Variants in SLC45A3 observed in about 807,000 individuals in gnomAD.
SLC45A3 encodes the protein prostate cancer associated protein 2.
Under a neutral mutation model 35.3 loss-of-function variants are expected in SLC45A3, and 17 were observed. The ratio of observed to expected loss-of-function variants is 0.48; its 90% CI spans 0.33 to 0.72. The LOEUF is 0.72. SLC45A3 is among the 30% of genes least tolerant of loss of function. SLC45A3 has a pLI of 0.02. For missense variants in SLC45A3, 597 were observed against 731.7 expected (o/e 0.82, Z 2.12); for synonymous variants, 288 against 334.3 (o/e 0.86, Z 1.51).
At position 205,659,297 on chromosome 1, in the gene SLC45A3, G is replaced by T. The variant is rs143282781; in HGVS notation, c.1599C>A (p.Val533=). Reference sequence around the variant, plus strand: ...CTACCTGTGTAGCAAAGTAAATGGCGACCAGACCCAGGCCTGCGGCAGACA... The same window carrying T: ...CTACCTGTGTAGCAAAGTAAATGGCTACCAGACCCAGGCCTGCGGCAGACA... The part of the protein sequence containing the change: ...YMVSAAGLGL[V]AIYFATQVVF... Residue 533 remains valine, a synonymous_variant, in exon 5 of 5, where the codon GTC becomes GTA. Transcript: ENST00000367145. This position sits in a 1 kb window ranked among gnomAD's most constrained non-coding sequence, Gnocchi z 5.8. 2.2e-5 allele frequency: 36 copies of T among 1,614,012 alleles called. No individual in the cohort carries two copies. Among genetic ancestry groups the T allele is most frequent in the Middle Eastern group, 3.3e-4 (2 of 6,084 alleles).
intron 1 of SLC45A3, among the ~76,000 whole-genome samples, chr1:205,672,422 A>G (rs889436199): frequency 1.3e-5 from 2 of 152,202 alleles, no homozygotes; most frequent in African/African-American, 2.4e-5. Flanking sequence ...CACGATTTCC[A>G]TCCACAGGGA....
Position 205,659,784 on chromosome 1 carries a change from A to G in SLC45A3, c.1225-113T>C, listed in dbSNP as rs572206763. The G allele has an allele frequency of 2.9e-4, 285 of 996,360 alleles. No homozygotes were observed. In the African/African-American group the frequency reaches 4.3e-3, roughly 15 times the overall value. The allele number at this position is 996,360 out of a possible 1,614,324, so 61.7% of individuals were successfully genotyped here. A position where few individuals can be genotyped will look rare whatever the true frequency, so the allele number is the denominator to read the frequency against. ...TCCATCCCAGGGGCAATGGGACTTC[A>G]TGAGAATCAGGAGCAGGAGAGAAGA... On this transcript the variant is annotated intron_variant, in intron 4 of 4. Transcript: ENST00000367145. This position sits in a 1 kb window ranked among gnomAD's most constrained non-coding sequence, Gnocchi z 5.8.
intron 1 of SLC45A3, among the ~76,000 whole-genome samples, chr1:205,668,711 C>G (rs1474919452): frequency 6.6e-6 from 1 of 152,156 alleles, no homozygotes; most frequent in Non-Finnish European, 1.5e-5. Context: ...AGTAGAGGGG[C>G]TGACCTCTCA....
chr1:205,659,676 G>A lies in SLC45A3; in HGVS notation c.1225-5C>T. 3 of 1,520,620 alleles carry A rather than the reference G, an allele frequency of 2.0e-6. No individual in the cohort carries two copies. The highest frequency in any genetic ancestry group is 2.6e-6 in the Non-Finnish European group (3 of 1,135,970). The allele number at this position is 1,520,620 out of a possible 1,614,324, so 94.2% of individuals were successfully genotyped here. On this transcript the variant is annotated splice_polypyrimidine_tract_variant and splice_region_variant and intron_variant, in intron 4 of 4. Transcript: ENST00000367145. The surrounding 1 kb of genome is among the most constrained non-coding windows in gnomAD (Gnocchi z 5.8). ...TCGGTATTTGGGCAGGAACACCTAA[G>A]GCAGAGGGGTGAAGAAAAGGGGAAG... is the stretch of plus-strand genomic sequence containing the variant.
At chr1:205,676,513 T>G (rs928806868) in intron 1 of SLC45A3, among the ~76,000 whole-genome samples, 1 of 152,152 alleles carries the variant, frequency 6.6e-6, no homozygotes, top group African/African-American at 2.4e-5. Context: ...TGGCTGAATA[T>G]GCACATCACG....
At chr1:205,672,968 T>C (rs1297068120) in intron 1 of SLC45A3, among the ~76,000 whole-genome samples, 3 of 152,174 alleles carry the variant, frequency 2.0e-5, no homozygotes, top group Non-Finnish European at 4.4e-5. Flanking sequence ...AATAGGAATA[T>C]AAAATCCCTA....
Position 205,659,085 on chromosome 1 carries a change from C to G in SLC45A3, c.*149G>C. 1.3e-6 allele frequency: 1 copy of G among 786,838 alleles called. No homozygotes were observed. The highest frequency in any genetic ancestry group is 2.0e-6 in the Non-Finnish European group (1 of 500,818). 48.7% of individuals were successfully genotyped at this position (786,838 alleles called of 1,614,324 possible). On this transcript the variant is annotated 3_prime_UTR_variant, in exon 5 of 5. Transcript: ENST00000367145. The surrounding 1 kb of genome is among the most constrained non-coding windows in gnomAD (Gnocchi z 5.8). ...CAGCCCCCAGCTGTGCAGCTACGCA[C>G]CTCAGCAGCACAGGGTGGCAGCAGA...
intron 1 of SLC45A3, among the ~76,000 whole-genome samples, chr1:205,674,168 A>G (rs1671262797): frequency 6.7e-6 from 1 of 148,812 alleles, no homozygotes; most frequent in African/African-American, 2.5e-5. Context: ...CATGTTGCTT[A>G]GCCTTGAAGG....
In SLC45A3 at chr1:205,669,422, A is replaced by G. The variant is rs1671169713; in HGVS notation, c.-230-4536T>C. Among the ~76,000 whole-genome samples, 1 of 152,022 alleles carries G rather than the reference A, an allele frequency of 6.6e-6. No individual in the cohort carries two copies. Among genetic ancestry groups the G allele is most frequent in the South Asian group, 2.1e-4 (1 of 4,814 alleles). ...TAAGGGAAGGGAGGGTCAGAGGGGG[A>G]TGTATAAAGAGGTCTTTGAGGGCTT... On this transcript the variant is annotated intron_variant, in intron 1 of 4. Coordinates refer to ENST00000367145, the MANE Select transcript of SLC45A3 (RefSeq NM_033102.3). This position sits in a 1 kb window ranked among gnomAD's most constrained non-coding sequence, Gnocchi z 4.1.
At position 205,659,978 on chromosome 1, in the gene SLC45A3, G is replaced by A. The variant is rs1022895901; in HGVS notation, c.1225-307C>T. Among the ~76,000 whole-genome samples the A allele has an allele frequency of 2.0e-5, 3 of 152,152 alleles. No homozygotes were observed. Among genetic ancestry groups the A allele is most frequent in the Non-Finnish European group, 2.9e-5 (2 of 68,028 alleles). On this transcript the variant is annotated intron_variant, in intron 4 of 4. Coordinates refer to ENST00000367145, the MANE Select transcript of SLC45A3 (RefSeq NM_033102.3). The surrounding 1 kb of genome is among the most constrained non-coding windows in gnomAD (Gnocchi z 5.8). ...AATATCACAGATCAGAGAGAACAGAGCTCCAAGGTAAGGAAAAGACACAGG... is the reference window on the plus strand; with the variant it reads ...AATATCACAGATCAGAGAGAACAGAACTCCAAGGTAAGGAAAAGACACAGG...
At chr1:205,672,313 C>T (rs2102408682) in intron 1 of SLC45A3, among the ~76,000 whole-genome samples, 1 of 152,258 alleles carries the variant, frequency 6.6e-6, no homozygotes, top group Middle Eastern at 3.4e-3. Context: ...GTGCTGGCCC[C>T]AACAGGTGAG....
intron 1 of SLC45A3, among the ~76,000 whole-genome samples, chr1:205,670,597 G>A (rs901791060): frequency 1.3e-5 from 2 of 152,218 alleles, no homozygotes. Flanking sequence ...CTGGAGGCCA[G>A]GGATTTAGAG....
intron 4 of SLC45A3, among the ~76,000 whole-genome samples, chr1:205,661,443 G>A (rs1417361937): frequency 3.3e-5 from 5 of 152,190 alleles, no homozygotes; most frequent in Non-Finnish European, 5.9e-5. Context: ...AAGTCAGGTT[G>A]CTGCTCCCTG....
At chr1:205,678,278 T>C (rs1209436451) in intron 1 of SLC45A3, among the ~76,000 whole-genome samples, 1 of 152,136 alleles carries the variant, frequency 6.6e-6, no homozygotes, top group African/African-American at 2.4e-5. Context: ...GATCGTGACA[T>C]TGCACTCCAG....
chr1:205,664,392 C>T lies in SLC45A3; in HGVS notation c.172+93G>A. ...ATGCCTTCCCAGCAGACCACCTCTC[C>T]CTCCAAGCAGCTCCCAGGGCAGAGG... On this transcript the variant is annotated intron_variant, in intron 2 of 4. Transcript: ENST00000367145. This position sits in a 1 kb window ranked among gnomAD's most constrained non-coding sequence, Gnocchi z 5.3. 2.0e-6 allele frequency: 3 copies of T among 1,524,220 alleles called. No homozygotes were observed. Among genetic ancestry groups the T allele is most frequent in the Admixed American group, 1.8e-5 (1 of 54,970 alleles). 94.4% of individuals were successfully genotyped at this position (1,524,220 alleles called of 1,614,324 possible).
rs1671181275 is a variant in SLC45A3 at position 205,669,909 on chromosome 1, G to T, written c.-230-5023C>A. On this transcript the variant is annotated intron_variant, in intron 1 of 4. Coordinates refer to ENST00000367145, the MANE Select transcript of SLC45A3 (RefSeq NM_033102.3). The surrounding 1 kb of genome is among the most constrained non-coding windows in gnomAD (Gnocchi z 4.1). The stretch of plus-strand genomic sequence containing the variant: ...TGCCCCAGGTCAGTGAGATGGCAGA[G>T]AAGGGGCAACCCCAGCACCTTGCTC... 6.6e-6 allele frequency among the ~76,000 whole-genome samples: 1 copy of T among 152,230 alleles called. No homozygotes were observed. The highest frequency in any genetic ancestry group is 6.5e-5 in the Admixed American group (1 of 15,286).
In SLC45A3 at chr1:205,658,431, A is replaced by G. The variant is rs907400616; in HGVS notation, c.*803T>C. 5 of 233,070 alleles carry G rather than the reference A, an allele frequency of 2.1e-5. No homozygotes were observed. Among genetic ancestry groups the G allele is most frequent in the Non-Finnish European group, 4.2e-5 (5 of 117,994 alleles). 14.4% of individuals were successfully genotyped at this position (233,070 alleles called of 1,614,324 possible). A position where few individuals can be genotyped will look rare whatever the true frequency, so the allele number is the denominator to read the frequency against. ...TGGGGGGCCAGACCCCAGGAGAAGA[A>G]GATTCTGGCAATGATCAGCCCAATG... On this transcript the variant is annotated 3_prime_UTR_variant, in exon 5 of 5. Coordinates refer to ENST00000367145, the MANE Select transcript of SLC45A3 (RefSeq NM_033102.3).
Position 205,666,825 on chromosome 1 carries a change from C to G in SLC45A3, c.-230-1939G>C, listed in dbSNP as rs1671126976. Among the ~76,000 whole-genome samples, 1 of 152,182 alleles carries G rather than the reference C, an allele frequency of 6.6e-6. No homozygotes were observed. The highest frequency in any genetic ancestry group is 1.5e-5 in the Non-Finnish European group (1 of 68,030). ...CATTGCTGCATTTCCACAGTACCCC[C>G]AAGAAGGAAAGCAGGAGACAGCACA... On this transcript the variant is annotated intron_variant, in intron 1 of 4. Transcript: ENST00000367145. This position sits in a 1 kb window ranked among gnomAD's most constrained non-coding sequence, Gnocchi z 4.1.
At chr1:205,679,797 G>A (rs1441967414) in intron 1 of SLC45A3, among the ~76,000 whole-genome samples, 2 of 151,088 alleles carry the variant, frequency 1.3e-5, no homozygotes, top group Admixed American at 6.6e-5. Flanking sequence ...CCCTTTCCCT[G>A]TCTTAATAAC....
Sources: gnomAD v4.1 joint callset for allele counts (sites outside exome capture counted in the v4.1 genomes callset) on GRCh38, gnomAD v4.1.1 for gene constraint, Gnocchi (gnomAD v3.1) non-coding constraint, MANE v1.5 for transcripts, NCBI Gene and HGNC (gene_info 2026-07-23, HGNC 2026-07-21) for gene names.